The following PTPRK variants were observed in gnomAD, a reference collection of about 807,000 sequenced individuals.
PTPRK encodes the protein receptor-type tyrosine-protein phosphatase kappa.
PTPRK carries 75 observed loss-of-function variants against 178.0 expected under a neutral mutation model. That is an observed-to-expected ratio of 0.42 (90% CI 0.35 to 0.51). The LOEUF is 0.51. PTPRK is among the 20% of genes least tolerant of loss of function. PTPRK has a pLI of 0.02. For synonymous variants in PTPRK, 637 were observed against 620.6 expected (o/e 1.03, Z -0.39); for missense variants, 1,441 against 1,797.8 (o/e 0.80, Z 3.59).
chr6:128,305,263 CCTT>C (rs748041589), intron 3 of PTPRK, among the ~76,000 whole-genome samples: 10 of 152,136 alleles, frequency 6.6e-5, no homozygotes, highest in Non-Finnish European at 1.3e-4. Flanking sequence ...AGATTTTTCT[CCTT>C]CTTTTATTTT....
intron 7 of PTPRK, among the ~76,000 whole-genome samples, chr6:128,130,857 T>C (rs1201620443): frequency 6.6e-6 from 1 of 152,128 alleles, no homozygotes; most frequent in Non-Finnish European, 1.5e-5. Flanking sequence ...ATTGAATAAC[T>C]GAATTATAGT....
intron 7 of PTPRK, among the ~76,000 whole-genome samples, chr6:128,137,057 C>A (rs1216075312): frequency 6.6e-6 from 1 of 152,176 alleles, no homozygotes; most frequent in Non-Finnish European, 1.5e-5. Flanking sequence ...TAGGGTTCCA[C>A]TTGTGAGAGC....
chr6:128,079,522 T>A (rs1784435102), intron 10 of PTPRK, among the ~76,000 whole-genome samples: 1 of 152,072 alleles, frequency 6.6e-6, no homozygotes, highest in African/African-American at 2.4e-5. Flanking sequence ...TATAATTTTT[T>A]TAAATATTTG....
intron 1 of PTPRK, among the ~76,000 whole-genome samples, chr6:128,483,743 C>G (rs1317170707): frequency 6.6e-6 from 1 of 152,120 alleles, no homozygotes; most frequent in Non-Finnish European, 1.5e-5. Context: ...CTCTGCACTC[C>G]CTCATCAGAT....
chr6:128,475,014 C>G (rs1851196256), intron 1 of PTPRK, among the ~76,000 whole-genome samples: 1 of 152,076 alleles, frequency 6.6e-6, no homozygotes. Flanking sequence ...TGGGCCCATC[C>G]TCTCTTGGTT....
intron 13 of PTPRK, among the ~76,000 whole-genome samples, chr6:128,061,776 T>C (rs956936071): frequency 3.3e-5 from 5 of 152,170 alleles, no homozygotes; most frequent in African/African-American, 1.2e-4. Flanking sequence ...CCTTTCAAAC[T>C]CCAGAGACTC....
chr6:128,350,415 A>G, intron 2 of PTPRK, among the ~76,000 whole-genome samples: 1 of 152,212 alleles, frequency 6.6e-6, no homozygotes, highest in Non-Finnish European at 1.5e-5. Flanking sequence ...ACTTATCAAC[A>G]GCATCAAATG....
intron 7 of PTPRK, among the ~76,000 whole-genome samples, chr6:128,167,578 T>C (rs1009787208): frequency 2.0e-5 from 3 of 151,978 alleles, no homozygotes; most frequent in Non-Finnish European, 4.4e-5. Context: ...ATATACTTCA[T>C]ATAACTAGGT....
At chr6:128,452,686 C>T (rs540637310) in intron 1 of PTPRK, among the ~76,000 whole-genome samples, 1 of 152,204 alleles carries the variant, frequency 6.6e-6, no homozygotes, top group Non-Finnish European at 1.5e-5. Flanking sequence ...TGTCCAACAC[C>T]AGGGAGGAAC....
intron 7 of PTPRK, among the ~76,000 whole-genome samples, chr6:128,104,184 A>G (rs1470869809): frequency 3.3e-5 from 5 of 152,188 alleles, no homozygotes; most frequent in Admixed American, 3.3e-4. Flanking sequence ...AATTATTGCC[A>G]TCTAAAATCA....
At chr6:128,012,791 C>A (rs993868085) in intron 13 of PTPRK, among the ~76,000 whole-genome samples, 18 of 151,530 alleles carry the variant, frequency 1.2e-4, no homozygotes, top group Admixed American at 4.0e-4. Flanking sequence ...CAAACTAATT[C>A]TTCTACTTTC....
chr6:128,058,967 T>C (rs1039291198), intron 13 of PTPRK, among the ~76,000 whole-genome samples: 5 of 152,172 alleles, frequency 3.3e-5, no homozygotes, highest in African/African-American at 1.2e-4. Context: ...ACCTTTGTCA[T>C]AAAAAATGGT....
In PTPRK at chr6:127,973,906, A is replaced by G. The variant is rs562944564; in HGVS notation, c.3970-79T>C. On this transcript the variant is annotated intron_variant, in intron 27 of 29. Coordinates refer to ENST00000368226, the MANE Select transcript of PTPRK (RefSeq NM_002844.4). The stretch of plus-strand genomic sequence containing the variant: ...AAAGTAAAAGGTGCATATAATTTAC[A>G]ATACAAATGGCATCTACACTGGATT... 3.2e-5 allele frequency: 44 copies of G among 1,378,322 alleles called. No homozygotes were observed. The East Asian group carries it at 9.6e-4, about 30-fold the overall frequency. The allele number at this position is 1,378,322 out of a possible 1,614,324, so 85.4% of individuals were successfully genotyped here. A position where few individuals can be genotyped will look rare whatever the true frequency, so the allele number is the denominator to read the frequency against.
At chr6:128,394,518 G>C (rs1228092248) in intron 2 of PTPRK, among the ~76,000 whole-genome samples, 4 of 152,160 alleles carry the variant, frequency 2.6e-5, no homozygotes, top group African/African-American at 9.7e-5. Context: ...TTGTACAGTA[G>C]TTTCTCACTG....
At chr6:128,374,701 C>G (rs924976901) in intron 2 of PTPRK, among the ~76,000 whole-genome samples, 1 of 152,148 alleles carries the variant, frequency 6.6e-6, no homozygotes, top group African/African-American at 2.4e-5. Flanking sequence ...GCTAGTTTCC[C>G]TGATTCCACC....
At chr6:128,054,500 G>A (rs9321108) in intron 13 of PTPRK, among the ~76,000 whole-genome samples, 129,665 of 152,198 alleles carry the variant, frequency 0.85, 55,492 homozygotes, top group East Asian at 1. Context: ...TTTATATACA[G>A]TAAGAAAACA....
At chr6:128,101,557 T>A (rs1193209999) in intron 7 of PTPRK, among the ~76,000 whole-genome samples, 1 of 152,162 alleles carries the variant, frequency 6.6e-6, no homozygotes, top group Non-Finnish European at 1.5e-5. Context: ...TTAGGAAATC[T>A]TGCTACCATT....
intron 1 of PTPRK, among the ~76,000 whole-genome samples, chr6:128,448,592 C>T (rs931479195): frequency 6.6e-6 from 1 of 152,130 alleles, no homozygotes; most frequent in African/African-American, 2.4e-5. Context: ...ATGCACAAGG[C>T]TTTGTATTAA....
intron 7 of PTPRK, among the ~76,000 whole-genome samples, chr6:128,110,544 T>C (rs1486572385): frequency 6.6e-6 from 1 of 151,790 alleles, no homozygotes; most frequent in African/African-American, 2.4e-5. Flanking sequence ...TAGGACTACA[T>C]ATGCAGGTGG....
Sources: gnomAD v4.1 joint callset for allele counts (sites outside exome capture counted in the v4.1 genomes callset) on GRCh38, gnomAD v4.1.1 for gene constraint, MANE v1.5 for transcripts, NCBI Gene and HGNC (gene_info 2026-07-23, HGNC 2026-07-21) for gene names.